The following DNER variants were observed in gnomAD, a reference collection of about 807,000 sequenced individuals.
DNER encodes delta/notch like EGF repeat containing.
In DNER, 33 loss-of-function variants were observed where a neutral mutation model predicts 78.2. The ratio of observed to expected loss-of-function variants is 0.42; its 90% CI spans 0.32 to 0.56. The LOEUF (loss-of-function observed/expected upper bound fraction) is 0.56, where lower values mean the gene tolerates loss of function less well. DNER is among the 20% of genes least tolerant of loss of function. DNER has a pLI of 0.11. For synonymous variants in DNER, 417 were observed against 384.8 expected, an observed-to-expected ratio of 1.08 and a Z score of -0.98; for missense variants, 918 against 975.3, an observed-to-expected ratio of 0.94 and a Z score of 0.78.
chr2:229,552,041 T>C (rs2059028), intron 4 of DNER, among the ~76,000 whole-genome samples: 37,560 of 152,144 alleles, frequency 0.25, 6,836 homozygotes, highest in African/African-American at 0.51. Flanking sequence ...GGAATACATA[T>C]ACGTAATTTA....
intron 5 of DNER, among the ~76,000 whole-genome samples, chr2:229,521,543 T>C (rs59216261): frequency 6.6e-6 from 1 of 152,308 alleles, no homozygotes; most frequent in Non-Finnish European, 1.5e-5. Flanking sequence ...ACAGTAACCA[T>C]TGACACATTT....
At chr2:229,606,754 G>T (rs566214918) in intron 1 of DNER, among the ~76,000 whole-genome samples, 1 of 152,082 alleles carries the variant, frequency 6.6e-6, no homozygotes, top group Admixed American at 6.6e-5. Flanking sequence ...TTAGCTGGGC[G>T]TGGTGGTGCG....
chr2:229,452,051 C>T (rs1178532130), intron 7 of DNER, among the ~76,000 whole-genome samples: 1 of 152,166 alleles, frequency 6.6e-6, no homozygotes, highest in East Asian at 1.9e-4. Flanking sequence ...GAGCACTGGT[C>T]AGGCCAGGTC....
At chr2:229,458,969 TAG>T (rs1694634677) in intron 7 of DNER, among the ~76,000 whole-genome samples, 1 of 152,038 alleles carries the variant, frequency 6.6e-6, no homozygotes, top group Non-Finnish European at 1.5e-5. Flanking sequence ...TTCTATACAC[TAG>T]TAATAAGCAA....
intron 1 of DNER, among the ~76,000 whole-genome samples, chr2:229,690,848 C>T (rs973792136): frequency 6.6e-6 from 1 of 152,182 alleles, no homozygotes; most frequent in African/African-American, 2.4e-5. Flanking sequence ...GTTTGTAGAT[C>T]TTGGAACTAA....
In DNER at chr2:229,510,773, G is replaced by A. The variant is rs528826241; in HGVS notation, c.1147+2010C>T. Reference sequence around the variant, plus strand: ...CTGTCAAGTAAGTAGGTCTGGAGGGGAGCCTCACCTGGAGATAAAAATCTG... The same window carrying A: ...CTGTCAAGTAAGTAGGTCTGGAGGGAAGCCTCACCTGGAGATAAAAATCTG... On this transcript the variant is annotated intron_variant, in intron 6 of 12. Transcript: ENST00000341772. Among the ~76,000 whole-genome samples the A allele has an allele frequency of 6.5e-4, 99 of 152,240 alleles. No individual in the cohort carries two copies. In the South Asian group the frequency reaches 0.011, roughly 16 times the overall value.
intron 1 of DNER, among the ~76,000 whole-genome samples, chr2:229,690,737 G>A (rs1699557062): frequency 6.6e-6 from 1 of 152,170 alleles, no homozygotes; most frequent in Admixed American, 6.5e-5. Context: ...GACTGTAAAT[G>A]ATGGACCCAA....
In DNER at chr2:229,487,287, C is replaced by A. The variant is rs78331647; in HGVS notation, c.1148-10034G>T. On this transcript the variant is annotated intron_variant, in intron 6 of 12. Coordinates refer to ENST00000341772, the MANE Select transcript of DNER (RefSeq NM_139072.4). ...AGCCTCTAGCACAGAGCCAGGGACA[C>A]TATAAATACTCATTATATAGTAAAC... Among the ~76,000 whole-genome samples, 625 of 152,342 alleles carry A rather than the reference C, an allele frequency of 4.1e-3. 6 individuals carry two copies. The highest frequency in any genetic ancestry group is 0.014 in the African/African-American group (575 of 41,576).
chr2:229,456,713 GCT>G (rs1459552131), intron 7 of DNER, among the ~76,000 whole-genome samples: 1 of 151,990 alleles, frequency 6.6e-6, no homozygotes, highest in African/African-American at 2.4e-5. Context: ...AGCACCCTTT[GCT>G]CTTTCACTAT....
intron 7 of DNER, among the ~76,000 whole-genome samples, chr2:229,470,938 T>C (rs1328001717): frequency 2.0e-5 from 3 of 152,190 alleles, no homozygotes; most frequent in Non-Finnish European, 4.4e-5. Flanking sequence ...AACTATATAC[T>C]ACTCCAAGGA....
intron 8 of DNER, among the ~76,000 whole-genome samples, chr2:229,427,301 T>C (rs1199359372): frequency 2.0e-5 from 3 of 152,238 alleles, no homozygotes; most frequent in Non-Finnish European, 4.4e-5. Flanking sequence ...CTGGCTTTAA[T>C]AGCCACATGG....
intron 1 of DNER, among the ~76,000 whole-genome samples, chr2:229,676,483 T>C (rs1384737068): frequency 6.6e-6 from 1 of 152,230 alleles, no homozygotes; most frequent in Non-Finnish European, 1.5e-5. Flanking sequence ...TGGTTATAGA[T>C]GCTGAATGGC....
chr2:229,551,953 T>TAAATAAATAAAATA (rs1553539196), intron 4 of DNER, among the ~76,000 whole-genome samples: 2 of 151,664 alleles, frequency 1.3e-5, no homozygotes, highest in African/African-American at 4.9e-5. Flanking sequence ...AATAAATAAA[T>TAAATAAATAAAATA]AAATAAAATA....
chr2:229,376,627 G>C (rs967023610), intron 11 of DNER, among the ~76,000 whole-genome samples: 3 of 152,170 alleles, frequency 2.0e-5, no homozygotes. Context: ...AAGTGTCGTA[G>C]ATCTGCATAA....
intron 5 of DNER, among the ~76,000 whole-genome samples, chr2:229,513,171 G>A (rs553529179): frequency 4.7e-4 from 71 of 152,162 alleles, no homozygotes; most frequent in African/African-American, 1.4e-3. Context: ...CGTCATTTTC[G>A]ATCTTCCTAA....
intron 1 of DNER, among the ~76,000 whole-genome samples, chr2:229,651,081 A>G (rs113742889): frequency 8.5e-5 from 13 of 152,214 alleles, no homozygotes; most frequent in African/African-American, 3.1e-4. Context: ...CTCTAATTCG[A>G]GTTGAGTCAA....
chr2:229,469,071 T>C (rs1694866901), intron 7 of DNER, among the ~76,000 whole-genome samples: 1 of 152,226 alleles, frequency 6.6e-6, no homozygotes, highest in Admixed American at 6.5e-5. Flanking sequence ...TCCTCATACA[T>C]AAAATGTTAT....
At chr2:229,391,349 GC>G (rs1406394300) in intron 10 of DNER, among the ~76,000 whole-genome samples, 1 of 151,918 alleles carries the variant, frequency 6.6e-6, no homozygotes, top group Non-Finnish European at 1.5e-5. Flanking sequence ...AAATCTTTAA[GC>G]TTTTGCTGCC....
chr2:229,381,470 A>G (rs1243310891), intron 11 of DNER, among the ~76,000 whole-genome samples: 2 of 152,158 alleles, frequency 1.3e-5, no homozygotes, highest in Admixed American at 1.3e-4. Context: ...CAGGGAGCCA[A>G]GTGGTCTAGC....
Sources: gnomAD v4.1 joint callset for allele counts (sites outside exome capture counted in the v4.1 genomes callset) on GRCh38, gnomAD v4.1.1 for gene constraint, MANE v1.5 for transcripts, NCBI Gene and HGNC (gene_info 2026-07-23, HGNC 2026-07-21) for gene names.